FUT8: variants seen among roughly 807,000 people sequenced by gnomAD.
FUT8 encodes the protein fucosyltransferase 8.
FUT8 carries 29 observed loss-of-function variants against 71.3 expected under a neutral mutation model. The ratio of observed to expected loss-of-function variants is 0.41; its 90% CI spans 0.30 to 0.55. The LOEUF (loss-of-function observed/expected upper bound fraction) is 0.55. Ranked by LOEUF, FUT8 falls within the 20% of genes least tolerant of loss-of-function variation. The probability of loss-of-function intolerance (pLI) is 0.34; values close to 1 mark genes in which losing one functional copy is unlikely to be tolerated. For synonymous variants in FUT8, 254 were observed against 239.3 expected, an observed-to-expected ratio of 1.06 and a Z score of -0.57; for missense variants, 544 against 702.1, an observed-to-expected ratio of 0.77 and a Z score of 2.55.
At chr14:65,360,853 G>A in the FUT8 span, among the ~76,000 whole-genome samples, 5 of 152,190 alleles carry the variant, frequency 3.3e-5, no homozygotes, top group African/African-American at 1.2e-4. Context: ...ACAACTTAGT[G>A]AACACAAATT....
chr14:65,579,290 G>A (rs1208468189), intron 3 of FUT8, among the ~76,000 whole-genome samples: 1 of 152,098 alleles, frequency 6.6e-6, no homozygotes, highest in Non-Finnish European at 1.5e-5. Flanking sequence ...ATTCAGGACA[G>A]TATGGTTTAT....
intron 5 of FUT8, among the ~76,000 whole-genome samples, chr14:65,626,706 A>G (rs1889912887): frequency 1.3e-5 from 2 of 152,184 alleles, no homozygotes; most frequent in Admixed American, 1.3e-4. Flanking sequence ...TTTTTTATTT[A>G]TTGTAATACA....
chr14:65,663,350 G>A (rs1353560776), intron 6 of FUT8, among the ~76,000 whole-genome samples: 2 of 151,850 alleles, frequency 1.3e-5, no homozygotes, highest in Admixed American at 1.3e-4. Flanking sequence ...ATAAATTCCT[G>A]TTCATTTCAG....
At chr14:65,740,896 A>T (rs1198319774) in intron 10 of FUT8, among the ~76,000 whole-genome samples, 1 of 152,030 alleles carries the variant, frequency 6.6e-6, no homozygotes, top group East Asian at 1.9e-4. Context: ...AATCTTCATA[A>T]ATGCCAAGGT....
At chr14:65,357,316 G>T in the FUT8 span, among the ~76,000 whole-genome samples, 3 of 152,224 alleles carry the variant, frequency 2.0e-5, no homozygotes, top group African/African-American at 7.2e-5. Context: ...GAAGCCTCGG[G>T]CAAGTCTCCA....
At chr14:65,435,901 G>A (rs1044176033) in intron 1 of FUT8, among the ~76,000 whole-genome samples, 1 of 131,544 alleles carries the variant, frequency 7.6e-6, no homozygotes, top group African/African-American at 2.8e-5. Context: ...TTTTATTTTC[G>A]TGTGCTTTAA....
chr14:65,418,629 TAG>T (rs1287687929), intron 1 of FUT8, among the ~76,000 whole-genome samples: 6 of 152,174 alleles, frequency 3.9e-5, no homozygotes, highest in African/African-American at 1.4e-4. Flanking sequence ...GAGAGGGAGA[TAG>T]AGAGAGGAGC....
chr14:65,459,347 C>T (rs953924175), intron 2 of FUT8, among the ~76,000 whole-genome samples: 3 of 152,032 alleles, frequency 2.0e-5, no homozygotes, highest in Admixed American at 6.6e-5. Flanking sequence ...CTTTAATTCA[C>T]ATAAAATATT....
chr14:65,685,165 G>A (rs1473677994), intron 7 of FUT8, among the ~76,000 whole-genome samples: 5 of 151,922 alleles, frequency 3.3e-5, no homozygotes, highest in South Asian at 2.1e-4. Flanking sequence ...ACAAACAAAC[G>A]AACAAACTTA....
chr14:65,613,842 G>A (rs190739466), intron 3 of FUT8, among the ~76,000 whole-genome samples: 8 of 152,224 alleles, frequency 5.3e-5, no homozygotes, highest in East Asian at 3.9e-4. Context: ...GCTGGGCGCC[G>A]TGGCTCATAC....
rs1296529810 is a variant in FUT8, at chr14:65,472,867, A to G, written c.-228+17149A>G. ...GAATTTAGTGCTCAAATATCTTAGT[A>G]GAAATTGAAGTAGAAAAAGACATTG... On this transcript the variant is annotated intron_variant, in intron 2 of 10. Coordinates refer to ENST00000673929, the MANE Select transcript of FUT8 (RefSeq NM_001371533.1). The surrounding 1 kb of genome is among the most constrained non-coding windows in gnomAD (Gnocchi z 4.4). 6.6e-6 allele frequency among the ~76,000 whole-genome samples: 1 copy of G among 152,212 alleles called. No homozygotes were observed. Among genetic ancestry groups the G allele is most frequent in the Non-Finnish European group, 1.5e-5 (1 of 68,024 alleles).
the FUT8 span, among the ~76,000 whole-genome samples, chr14:65,388,241 A>G: frequency 6.6e-6 from 1 of 152,216 alleles, no homozygotes; most frequent in Non-Finnish European, 1.5e-5. Context: ...AAAACTTGAA[A>G]TGGACAATAC....
chr14:65,392,112 A>T, the FUT8 span, among the ~76,000 whole-genome samples: 1 of 151,880 alleles, frequency 6.6e-6, no homozygotes. Context: ...TTGTATTTTT[A>T]GCAGAGTTGG....
chr14:65,702,111 C>A (rs529643873), intron 7 of FUT8, among the ~76,000 whole-genome samples: 99 of 152,034 alleles, frequency 6.5e-4, no homozygotes, highest in African/African-American at 2.2e-3. Flanking sequence ...TTTGGGAGGC[C>A]AAGGTGGGCG....
intron 7 of FUT8, among the ~76,000 whole-genome samples, chr14:65,700,367 TTTTC>T (rs1385201721): frequency 1.3e-5 from 2 of 150,510 alleles, no homozygotes; most frequent in African/African-American, 4.9e-5. Flanking sequence ...AACTACTTTC[TTTTC>T]TTTCTTTCTG....
intron 7 of FUT8, among the ~76,000 whole-genome samples, chr14:65,717,508 C>A (rs1470974804): frequency 1.4e-5 from 2 of 144,750 alleles, no homozygotes; most frequent in Non-Finnish European, 3.0e-5. Flanking sequence ...AGGCGCTCCT[C>A]ACCTCCCAGA....
At chr14:65,581,707 C>CT (rs1187428313) in intron 3 of FUT8, among the ~76,000 whole-genome samples, 14 of 151,128 alleles carry the variant, frequency 9.3e-5, no homozygotes, top group African/African-American at 2.4e-4. Flanking sequence ...CTACTGGAAT[C>CT]TTTTTTTTTC....
intron 3 of FUT8, among the ~76,000 whole-genome samples, chr14:65,572,461 GATGA>G: frequency 6.6e-6 from 1 of 152,334 alleles, no homozygotes; most frequent in South Asian, 2.1e-4. Context: ...AACTGTGAGT[GATGA>G]ATGTGGAGTT....
At chr14:65,725,219 A>G (rs1895619076) in intron 9 of FUT8, among the ~76,000 whole-genome samples, 1 of 152,222 alleles carries the variant, frequency 6.6e-6, no homozygotes, top group African/African-American at 2.4e-5. Flanking sequence ...TGGAACAGTA[A>G]CAATTATTTT....
Sources: allele counts gnomAD v4.1 joint callset (sites outside exome capture counted in the v4.1 genomes callset), GRCh38; gene constraint gnomAD v4.1.1; non-coding constraint Gnocchi (gnomAD v3.1); transcripts MANE v1.5; gene names NCBI Gene and HGNC (gene_info 2026-07-23, HGNC 2026-07-21).